The following UNC13C variants were observed in gnomAD, a reference collection of about 807,000 sequenced individuals.
UNC13C encodes unc-13 homolog C.
In UNC13C, 174 loss-of-function variants were observed where a neutral mutation model predicts 245.4. The ratio of observed to expected loss-of-function variants is 0.71; its 90% CI spans 0.63 to 0.80. UNC13C has a LOEUF of 0.80. Ranked by LOEUF, UNC13C falls within the 30% of genes least tolerant of loss-of-function variation. The pLI is 0.00. For synonymous variants in UNC13C, 992 were observed against 895.1 expected, an observed-to-expected ratio of 1.11 and a Z score of -1.93; for missense variants, 2,829 against 2,602.9, an observed-to-expected ratio of 1.09 and a Z score of -1.89.
chr15:53,860,478 A>C, the UNC13C span, among the ~76,000 whole-genome samples: 1 of 152,166 alleles, frequency 6.6e-6, no homozygotes, highest in African/African-American at 2.4e-5. Flanking sequence ...TGCTTCAGTC[A>C]TGGGGAGGTA....
At chr15:54,457,606 G>C (rs1405928583) in intron 19 of UNC13C, among the ~76,000 whole-genome samples, 1 of 151,922 alleles carries the variant, frequency 6.6e-6, no homozygotes, top group Admixed American at 6.6e-5. Context: ...AATTTAGGAG[G>C]CTTGCATCTT....
chr15:54,277,331 CTTAG>C (rs781754205), intron 10 of UNC13C, among the ~76,000 whole-genome samples: 1 of 152,132 alleles, frequency 6.6e-6, no homozygotes, highest in Non-Finnish European at 1.5e-5. Flanking sequence ...CTTCTTTTGA[CTTAG>C]TTAAAGCACT....
intron 2 of UNC13C, among the ~76,000 whole-genome samples, chr15:54,074,772 G>A (rs1014073459): frequency 6.6e-6 from 1 of 152,126 alleles, no homozygotes; most frequent in African/African-American, 2.4e-5. Flanking sequence ...ATGGAGATTT[G>A]GGGGTGAGAC....
rs56332846 is a variant in UNC13C at position 54,117,523 on chromosome 15, TTCTCTCTCTC to T, written c.2984-25460_2984-25451del. 4.8e-3 allele frequency among the ~76,000 whole-genome samples: 489 copies of T among 102,110 alleles called. 2 individuals carry two copies. The highest frequency in any genetic ancestry group is 0.027 in the East Asian group (97 of 3,568). The allele number at this position is 102,110 out of a possible 152,430, so 67.0% of individuals were successfully genotyped here. A position where few individuals can be genotyped will look rare whatever the true frequency, so the allele number is the denominator to read the frequency against. ...TAGAGTTTTCTCAGAACTATTATGT[TTCTCTCTCTC>T]TCTCTCTCTCTCTCTCTCTCTCTCT... On this transcript the variant is annotated intron_variant, in intron 2 of 32. Transcript: ENST00000260323.
intron 4 of UNC13C, among the ~76,000 whole-genome samples, chr15:54,231,526 G>T (rs555836629): frequency 6.6e-4 from 100 of 152,040 alleles, no homozygotes; most frequent in African/African-American, 2.2e-3. Flanking sequence ...TATAAAATGA[G>T]AGAAATAATT....
chr15:54,053,400 G>A (rs551267638), intron 2 of UNC13C, among the ~76,000 whole-genome samples: 1 of 152,234 alleles, frequency 6.6e-6, no homozygotes, highest in Admixed American at 6.5e-5. Flanking sequence ...AAATACGAAT[G>A]TAAATTCCAC....
Position 54,300,208 on chromosome 15 carries a change from A to T in UNC13C, c.4105-2A>T. The T allele has an allele frequency of 6.3e-7, 1 of 1,596,278 alleles. No homozygotes were observed. The highest frequency in any genetic ancestry group is 1.7e-5 in the Admixed American group (1 of 57,286). The stretch of plus-strand genomic sequence containing the variant: ...GAACAATTAAAAACCACTTGCTTTT[A>T]GAATCTGTTCCATTACTTGACTGAA... On this transcript the variant is annotated splice_acceptor_variant, in intron 12 of 32. Transcript: ENST00000260323. LOFTEE classifies it high-confidence loss of function.
intron 4 of UNC13C, among the ~76,000 whole-genome samples, chr15:54,199,687 G>A (rs748456397): frequency 1.3e-5 from 2 of 152,080 alleles, no homozygotes; most frequent in African/African-American, 2.4e-5. Flanking sequence ...GACTGTTAGA[G>A]GAGCTCTAAA....
intron 2 of UNC13C, among the ~76,000 whole-genome samples, chr15:54,094,067 C>T (rs1444582501): frequency 6.6e-6 from 1 of 151,810 alleles, no homozygotes; most frequent in African/African-American, 2.4e-5. Context: ...CCACGGGCTA[C>T]ACTCATCAAT....
At chr15:54,033,432 T>C (rs774092802) in intron 2 of UNC13C, among the ~76,000 whole-genome samples, 20 of 152,174 alleles carry the variant, frequency 1.3e-4, no homozygotes, top group Non-Finnish European at 2.9e-4. Flanking sequence ...TATTGACTTA[T>C]CTTATTGTCG....
rs989609393 is a variant in UNC13C at position 54,627,606 on chromosome 15, A to AT, written c.*498dup. On this transcript the variant is annotated 3_prime_UTR_variant, in exon 33 of 33. Coordinates refer to ENST00000260323, the MANE Select transcript of UNC13C (RefSeq NM_001080534.3). Reference sequence around the variant, plus strand: ...TAATTTTATAGTCGCAGATATTGTGATTTTTGCATACACATTAAAATAGAA... The same window carrying AT: ...TAATTTTATAGTCGCAGATATTGTGATTTTTTGCATACACATTAAAATAGAA... 6.5e-6 allele frequency: 1 copy of AT among 152,888 alleles called. No individual in the cohort carries two copies. Among genetic ancestry groups the AT allele is most frequent in the African/African-American group, 2.4e-5 (1 of 41,460 alleles). The allele number at this position is 152,888 out of a possible 1,614,324, so 9.5% of individuals were successfully genotyped here.
intron 17 of UNC13C, among the ~76,000 whole-genome samples, chr15:54,380,597 T>C (rs574342328): frequency 6.6e-6 from 1 of 152,200 alleles, no homozygotes; most frequent in African/African-American, 2.4e-5. Context: ...GTGCGAGAGT[T>C]CTCTTTATGT....
intron 30 of UNC13C, among the ~76,000 whole-genome samples, chr15:54,579,883 C>T (rs926378259): frequency 1.3e-4 from 20 of 152,110 alleles, no homozygotes; most frequent in Admixed American, 1.3e-3. Flanking sequence ...AATTAAGTGC[C>T]GAGTTAATGA....
chr15:54,261,984 A>G (rs1043246477), intron 8 of UNC13C, among the ~76,000 whole-genome samples: 1 of 152,220 alleles, frequency 6.6e-6, no homozygotes, highest in African/African-American at 2.4e-5. Context: ...TAGAATAGAT[A>G]TTCTATAATA....
At chr15:54,409,589 A>G (rs954691183) in intron 18 of UNC13C, among the ~76,000 whole-genome samples, 5 of 152,176 alleles carry the variant, frequency 3.3e-5, no homozygotes, top group Middle Eastern at 3.4e-3. Context: ...GTCCATATGC[A>G]CTCGATATTT....
chr15:54,183,651 G>A lies in UNC13C; in HGVS notation c.3071+39967G>A, dbSNP rs115008951. 2.1e-3 allele frequency among the ~76,000 whole-genome samples: 313 copies of A among 151,306 alleles called. 2 individuals are homozygous for A. Among genetic ancestry groups the A allele is most frequent in the African/African-American group, 7.5e-3 (309 of 41,228 alleles). On this transcript the variant is annotated intron_variant, in intron 4 of 32. Transcript: ENST00000260323. ...CTGAAGGACCATGGATTATCGAAACGATTTTGGAGAATATGAGTGATGGAC... is the reference window on the plus strand; with the variant it reads ...CTGAAGGACCATGGATTATCGAAACAATTTTGGAGAATATGAGTGATGGAC...
rs12324879 is a variant in UNC13C, at chr15:54,608,675, C to T, written c.6107-13652C>T. On this transcript the variant is annotated intron_variant, in intron 30 of 32. Coordinates refer to ENST00000260323, the MANE Select transcript of UNC13C (RefSeq NM_001080534.3). ...CAGATTCTTATTCAGCACTGTGTCA[C>T]GATAAAAAACAAAATACACTAAGGA... is the stretch of plus-strand genomic sequence containing the variant. 5.7e-4 allele frequency among the ~76,000 whole-genome samples: 87 copies of T among 152,002 alleles called. No homozygotes were observed. In the Middle Eastern group the frequency reaches 0.01, roughly 18 times the overall value.
intron 28 of UNC13C, among the ~76,000 whole-genome samples, chr15:54,553,098 A>T (rs188474683): frequency 2.3e-5 from 2 of 86,318 alleles, no homozygotes; most frequent in African/African-American, 4.3e-5. Context: ...ACAATATATA[A>T]TATATATTGT....
chr15:53,852,500 A>C, the UNC13C span, among the ~76,000 whole-genome samples: 16 of 152,104 alleles, frequency 1.1e-4, 1 homozygote, highest in Admixed American at 2.0e-4. Flanking sequence ...CACAGACTTA[A>C]AGTCACCCCA....
Sources: allele counts gnomAD v4.1 joint callset (sites outside exome capture counted in the v4.1 genomes callset), GRCh38; gene constraint gnomAD v4.1.1; transcripts MANE v1.5; gene names NCBI Gene and HGNC (gene_info 2026-07-23, HGNC 2026-07-21).